Variants in AUTS2 observed in about 807,000 individuals in gnomAD.
AUTS2 encodes the protein autism susceptibility gene 2 protein.
Under a neutral mutation model 112.4 loss-of-function variants are expected in AUTS2, and 17 were observed. The ratio of observed to expected loss-of-function variants is 0.15; its 90% CI spans 0.10 to 0.23. The LOEUF (loss-of-function observed/expected upper bound fraction) is 0.23, where lower values mean the gene tolerates loss of function less well. Ranked by LOEUF, AUTS2 falls within the 10% of genes least tolerant of loss-of-function variation. AUTS2 has a pLI of 1.00. For missense variants in AUTS2, 1,510 were observed against 1,701.6 expected, an observed-to-expected ratio of 0.89 and a Z score of 1.98; for synonymous variants, 751 against 702.7, an observed-to-expected ratio of 1.07 and a Z score of -1.09.
intron 5 of AUTS2, among the ~76,000 whole-genome samples, chr7:70,582,186 TTTTC>T (rs1802483047): frequency 6.6e-6 from 1 of 152,018 alleles, no homozygotes; most frequent in African/African-American, 2.4e-5. Flanking sequence ...AAGTTGGGGG[TTTTC>T]TTTATCGTTA....
intron 1 of AUTS2, among the ~76,000 whole-genome samples, chr7:69,875,027 C>T (rs1026710926): frequency 2.0e-5 from 3 of 151,112 alleles, no homozygotes; most frequent in African/African-American, 7.3e-5. Flanking sequence ...TATAATCTAC[C>T]CCCAACCCTT....
At chr7:70,344,220 T>C (rs1791396133) in intron 4 of AUTS2, among the ~76,000 whole-genome samples, 1 of 151,942 alleles carries the variant, frequency 6.6e-6, no homozygotes, top group African/African-American at 2.4e-5. Context: ...ATCTGAACCA[T>C]GGAAATATGG....
At chr7:70,294,339 A>G (rs1788838030) in intron 4 of AUTS2, 1 of 152,244 alleles carries the variant, frequency 6.6e-6, no homozygotes, top group South Asian at 2.1e-4. Flanking sequence ...AACTGTACAC[A>G]TAAAACAACA....
At chr7:70,042,253 G>A (rs1801281713) in intron 2 of AUTS2, among the ~76,000 whole-genome samples, 1 of 149,218 alleles carries the variant, frequency 6.7e-6, no homozygotes, top group Admixed American at 6.7e-5. Context: ...ATTTCTTGGA[G>A]GAAAAGAGGA....
chr7:70,170,655 G>T (rs1314944090), intron 4 of AUTS2, among the ~76,000 whole-genome samples: 1 of 148,556 alleles, frequency 6.7e-6, no homozygotes, highest in Non-Finnish European at 1.5e-5. Flanking sequence ...GGAGTGCGGT[G>T]GTGCGATCTC....
At chr7:70,331,431 T>TA (rs1405153733) in intron 4 of AUTS2, among the ~76,000 whole-genome samples, 2 of 152,146 alleles carry the variant, frequency 1.3e-5, no homozygotes. Flanking sequence ...ATTTAATTCT[T>TA]CTCTCTTTTC....
At chr7:70,311,778 G>T (rs1400979261) in intron 4 of AUTS2, among the ~76,000 whole-genome samples, 1 of 151,968 alleles carries the variant, frequency 6.6e-6, no homozygotes, top group East Asian at 1.9e-4. Flanking sequence ...GTGCAGTGGC[G>T]CCATCTCTGC....
intron 1 of AUTS2, among the ~76,000 whole-genome samples, chr7:69,664,477 A>T (rs1453727077): frequency 2.0e-5 from 3 of 152,214 alleles, no homozygotes; most frequent in Non-Finnish European, 4.4e-5. Flanking sequence ...ATTGTTCAGT[A>T]TATGATTAAC....
rs562844553 is a variant in AUTS2, at chr7:70,326,960, C to T, written c.661-108792C>T. 2.0e-5 allele frequency among the ~76,000 whole-genome samples: 3 copies of T among 149,240 alleles called. No individual in the cohort carries two copies. In the South Asian group the frequency reaches 6.5e-4, roughly 32 times the overall value. ...TGTGACGGAATTTCGCTCTGTCGCCCAGGCTGGAGAGCAGTGGCATGATCT... is the reference window on the plus strand; with the variant it reads ...TGTGACGGAATTTCGCTCTGTCGCCTAGGCTGGAGAGCAGTGGCATGATCT... On this transcript the variant is annotated intron_variant, in intron 4 of 18. Transcript: ENST00000342771.
intron 4 of AUTS2, among the ~76,000 whole-genome samples, chr7:70,172,116 G>A (rs1321002205): frequency 1.3e-5 from 2 of 152,020 alleles, no homozygotes; most frequent in Admixed American, 1.3e-4. Flanking sequence ...TAACCCCCCT[G>A]TGTTTATCCA....
At chr7:70,632,841 C>CA (rs1276285068) in intron 5 of AUTS2, among the ~76,000 whole-genome samples, 1 of 152,120 alleles carries the variant, frequency 6.6e-6, no homozygotes, top group African/African-American at 2.4e-5. Flanking sequence ...GCAGAGGACA[C>CA]AGACCCCCAC....
At chr7:70,364,622 A>G (rs1412773690) in intron 4 of AUTS2, among the ~76,000 whole-genome samples, 1 of 150,382 alleles carries the variant, frequency 6.6e-6, no homozygotes, top group Non-Finnish European at 1.5e-5. Flanking sequence ...AATAAAAATT[A>G]AAAAGGGCTC....
intron 1 of AUTS2, among the ~76,000 whole-genome samples, chr7:69,789,678 C>T (rs1789531670): frequency 1.3e-5 from 2 of 152,036 alleles, no homozygotes; most frequent in Non-Finnish European, 2.9e-5. Flanking sequence ...AGGGGCTTGA[C>T]GTTTCCACAG....
At chr7:70,352,027 C>T (rs973410179) in intron 4 of AUTS2, among the ~76,000 whole-genome samples, 1 of 152,156 alleles carries the variant, frequency 6.6e-6, no homozygotes, top group African/African-American at 2.4e-5. Flanking sequence ...TAATAGCTAA[C>T]AATTATTGAG....
intron 7 of AUTS2, 41 bp downstream of exon 7, chr7:70,763,382 C>G: frequency 2.1e-6 from 3 of 1,451,782 alleles, no homozygotes; most frequent in South Asian, 2.7e-5. Flanking sequence ...TTTGCCCTCT[C>G]CCTGGGGATC....
At chr7:70,309,088 T>C (rs1789618922) in intron 4 of AUTS2, among the ~76,000 whole-genome samples, 1 of 152,246 alleles carries the variant, frequency 6.6e-6, no homozygotes, top group Non-Finnish European at 1.5e-5. Flanking sequence ...GTTAGAAGTT[T>C]TTGAACCCCT....
intron 1 of AUTS2, among the ~76,000 whole-genome samples, chr7:69,782,935 G>C (rs2129315814): frequency 6.6e-6 from 1 of 152,120 alleles, no homozygotes; most frequent in East Asian, 1.9e-4. Flanking sequence ...GTTGTGTATT[G>C]ACATTGACTT....
intron 4 of AUTS2, among the ~76,000 whole-genome samples, chr7:70,204,940 A>G (rs751529856): frequency 6.6e-6 from 1 of 152,104 alleles, no homozygotes; most frequent in Non-Finnish European, 1.5e-5. Context: ...ATTTTGGTCT[A>G]TAGGGAAAAA....
chr7:69,714,249 A>ATGTGTGTG (rs200192496), intron 1 of AUTS2, among the ~76,000 whole-genome samples: 3,372 of 92,698 alleles, frequency 0.036, 51 homozygotes, highest in African/African-American at 0.047. Context: ...GTGTGTGTAT[A>ATGTGTGTG]TGTGTGTGTG....
Sources: gnomAD v4.1 joint callset for allele counts (sites outside exome capture counted in the v4.1 genomes callset) on GRCh38, gnomAD v4.1.1 for gene constraint, MANE v1.5 for transcripts, NCBI Gene and HGNC (gene_info 2026-07-23, HGNC 2026-07-21) for gene names.